Variants in RNF38 observed in about 807,000 individuals in gnomAD.
RNF38 encodes the protein ring finger protein 38, also known as E3 ubiquitin-protein ligase RNF38.
RNF38 carries 15 observed loss-of-function variants against 67.2 expected under a neutral mutation model. The ratio of observed to expected loss-of-function variants is 0.22; its 90% CI spans 0.15 to 0.34. The LOEUF (loss-of-function observed/expected upper bound fraction) is 0.34, where lower values mean the gene tolerates loss of function less well. Ranked by LOEUF, RNF38 falls within the 10% of genes least tolerant of loss-of-function variation. The pLI is 1.00. For synonymous variants in RNF38, 220 were observed against 218.8 expected (o/e 1.01, Z -0.05); for missense variants, 524 against 639.9 (o/e 0.82, Z 1.95).
rs540915406 is a variant in RNF38, at chr9:36,465,848, G to A, written n.241+21460C>T. On this transcript the variant is annotated intron_variant and non_coding_transcript_variant, in intron 1 of 3. Coordinates refer to the RNF38 transcript ENST00000488058. Reference sequence around the variant, plus strand: ...GGTGGATCACGAGGTCAGGAGATCGGGACCATCCTGGCTAACACGGTGAAA... The same window carrying A: ...GGTGGATCACGAGGTCAGGAGATCGAGACCATCCTGGCTAACACGGTGAAA... 9.5e-3 allele frequency among the ~76,000 whole-genome samples: 1,436 copies of A among 151,924 alleles called. 12 individuals carry two copies. Among genetic ancestry groups the A allele is most frequent in the Middle Eastern group, 0.027 (8 of 292 alleles).
intron 9 of RNF38, among the ~76,000 whole-genome samples, chr9:36,346,605 T>C (rs183966804): frequency 6.6e-6 from 1 of 152,306 alleles, no homozygotes; most frequent in Admixed American, 6.5e-5. Flanking sequence ...TCTCCATTTT[T>C]TCAGGTTGCC....
In RNF38 at chr9:36,383,499, T is replaced by C. The variant is rs146175282; in HGVS notation, c.162+6968A>G. On this transcript the variant is annotated intron_variant, in intron 2 of 11. Coordinates refer to ENST00000259605, the MANE Select transcript of RNF38 (RefSeq NM_022781.5). The stretch of plus-strand genomic sequence containing the variant: ...GCCACCACGGCCGGCCTAAATGTGT[T>C]TCTATTAGTGAAACTGAAACTTTTT... Among the ~76,000 whole-genome samples, 699 of 152,326 alleles carry C rather than the reference T, an allele frequency of 4.6e-3. 5 individuals carry two copies. The highest frequency in any genetic ancestry group is 0.015 in the African/African-American group (640 of 41,582).
chr9:36,422,240 A>C (rs1587109681), intron 2 of RNF38, among the ~76,000 whole-genome samples: 1 of 152,096 alleles, frequency 6.6e-6, no homozygotes, highest in African/African-American at 2.4e-5. Flanking sequence ...CAAAATAATA[A>C]ACAAACAAAC....
At chr9:36,352,634 G>C in intron 8 of RNF38, 108 bp downstream of exon 8, 1 of 858,938 alleles carries the variant, frequency 1.2e-6, no homozygotes, top group Non-Finnish European at 1.9e-6. Context: ...ATTAAGTAAA[G>C]ACAAATAACT....
upstream of RNF38, chr9:36,400,859 C>A: frequency 4.1e-6 from 4 of 984,812 alleles, no homozygotes; most frequent in Non-Finnish European, 4.8e-6. Context: ...TCGGCCCCGT[C>A]CCGCAACACC....
intron 4 of RNF38, among the ~76,000 whole-genome samples, chr9:36,368,779 T>C (rs1447629079): frequency 6.6e-6 from 1 of 152,208 alleles, no homozygotes; most frequent in Non-Finnish European, 1.5e-5. Flanking sequence ...TGAGATCCTA[T>C]TCTCATTAGC....
At chr9:36,395,960 C>A (rs79998759) in intron 1 of RNF38, among the ~76,000 whole-genome samples, 2,331 of 152,172 alleles carry the variant, frequency 0.015, 35 homozygotes, top group East Asian at 0.08. Flanking sequence ...AACAGGACTT[C>A]ATAAATTCAA....
chr9:36,445,199 A>G (rs930476052), intron 1 of RNF38, among the ~76,000 whole-genome samples: 4 of 152,192 alleles, frequency 2.6e-5, no homozygotes, highest in Non-Finnish European at 5.9e-5. Context: ...AGCAATAAAT[A>G]GCAAGTACTG....
intron 1 of RNF38, among the ~76,000 whole-genome samples, chr9:36,426,041 G>A (rs1490848884): frequency 2.6e-5 from 4 of 152,302 alleles, no homozygotes; most frequent in African/African-American, 7.2e-5. Flanking sequence ...AAGATGTTAA[G>A]TAACATGAGG....
At chr9:36,365,278 T>C (rs1342193855) in intron 4 of RNF38, among the ~76,000 whole-genome samples, 1 of 152,130 alleles carries the variant, frequency 6.6e-6, no homozygotes, top group Non-Finnish European at 1.5e-5. Context: ...TAAATAAGTT[T>C]TCCTGTGGTC....
chr9:36,401,220 GGGCTGC>G (rs1408078137), upstream of RNF38: 1 of 982,574 alleles, frequency 1.0e-6, no homozygotes, highest in Non-Finnish European at 1.2e-6. Flanking sequence ...GGGCGGGGCG[GGGCTGC>G]GCGCGGCCCG....
chr9:36,385,172 C>T (rs539746406), intron 2 of RNF38, among the ~76,000 whole-genome samples: 1 of 152,118 alleles, frequency 6.6e-6, no homozygotes, highest in East Asian at 1.9e-4. Flanking sequence ...TTTGAAGTAT[C>T]ATCTTCTCTT....
chr9:36,360,994 T>C (rs1019101282), intron 4 of RNF38, among the ~76,000 whole-genome samples: 1 of 152,040 alleles, frequency 6.6e-6, no homozygotes, highest in African/African-American at 2.4e-5. Flanking sequence ...GTATTATTAT[T>C]TTTGTAGAGA....
Position 36,390,636 on chromosome 9 carries a change from A to G in RNF38, c.13-20T>C, listed in dbSNP as rs752808380. The G allele has an allele frequency of 3.1e-6, 5 of 1,613,524 alleles. No individual in the cohort carries two copies. The South Asian group carries it at 3.3e-5, about 11-fold the overall frequency. On this transcript the variant is annotated intron_variant, in intron 1 of 11. Coordinates refer to ENST00000259605, the MANE Select transcript of RNF38 (RefSeq NM_022781.5). ...AGATATCTGGGAAAAAGAGGAAGAA[A>G]AGGATAGTTCATGGCTAGCTGCACC... is the stretch of plus-strand genomic sequence containing the variant.
chr9:36,351,252 G>C, intron 8 of RNF38, 53 bp from the exon 9 acceptor site: 3 of 1,256,524 alleles, frequency 2.4e-6, no homozygotes, highest in Non-Finnish European at 2.3e-6. Flanking sequence ...TTAAATCAAT[G>C]AACAGGACAG....
At chr9:36,369,418 A>C (rs1027570964) in intron 4 of RNF38, among the ~76,000 whole-genome samples, 9 of 152,030 alleles carry the variant, frequency 5.9e-5, no homozygotes, top group African/African-American at 2.2e-4. Flanking sequence ...ACGGGGTTTC[A>C]CTGTGTTAGG....
intron 1 of RNF38, among the ~76,000 whole-genome samples, chr9:36,449,783 C>CA (rs950793648): frequency 1.3e-5 from 2 of 152,144 alleles, no homozygotes; most frequent in Admixed American, 6.5e-5. Flanking sequence ...GCAGGTCCTA[C>CA]AATTAAGCAG....
intron 1 of RNF38, among the ~76,000 whole-genome samples, chr9:36,473,120 G>A (rs1262789597): frequency 6.6e-6 from 1 of 151,778 alleles, no homozygotes; most frequent in African/African-American, 2.4e-5. Flanking sequence ...TGACAAGCGC[G>A]AAACTCCATC....
intron 1 of RNF38, among the ~76,000 whole-genome samples, chr9:36,477,117 T>G (rs1207246223): frequency 6.8e-6 from 1 of 146,578 alleles, no homozygotes; most frequent in Non-Finnish European, 1.5e-5. Context: ...AGGTCAGGAG[T>G]TCAAGACCAG....
Sources: allele counts gnomAD v4.1 joint callset (sites outside exome capture counted in the v4.1 genomes callset), GRCh38; gene constraint gnomAD v4.1.1; transcripts MANE v1.5; gene names NCBI Gene and HGNC (gene_info 2026-07-23, HGNC 2026-07-21).